SUSD5: variants seen among roughly 807,000 people sequenced by gnomAD.
The protein encoded by SUSD5 is sushi domain-containing protein 5.
A neutral mutation model predicts 29.5 loss-of-function variants in SUSD5; 33 were observed. That is an observed-to-expected ratio of 1.12 (90% CI 0.85 to 1.49). The LOEUF (loss-of-function observed/expected upper bound fraction) is 1.49, where lower values mean the gene tolerates loss of function less well. Among genes scored for constraint, SUSD5 ranks in the 40% most tolerant of loss-of-function variants. The probability of loss-of-function intolerance (pLI) is 0.00; values close to 1 mark genes in which losing one functional copy is unlikely to be tolerated. For synonymous variants in SUSD5, 308 were observed against 325.3 expected (o/e 0.95, Z 0.57); for missense variants, 776 against 800.6 (o/e 0.97, Z 0.37).
At chr3:33,174,320 A>G (rs1475684292) in intron 4 of SUSD5, among the ~76,000 whole-genome samples, 1 of 152,148 alleles carries the variant, frequency 6.6e-6, no homozygotes, top group Non-Finnish European at 1.5e-5. Flanking sequence ...CAGAACTCAT[A>G]TGTGTGGTGT....
Position 33,218,774 on chromosome 3 carries a change from C to T in SUSD5, c.24G>A (p.Pro8=). MTAEGPS[P]PARWHRRLPG... is the part of the protein sequence containing the mutation. ...GGAGGCGTCTGTGCCAACGGGCAGG[C>T]GGGCTGGGTCCCTCGGCAGTCATGG... Residue 8 remains proline (P), a synonymous_variant, in exon 1 of 5, where the codon CCG becomes CCA. Transcript: ENST00000309558. The T allele has an allele frequency of 7.0e-7, 1 of 1,436,076 alleles. No individual in the cohort carries two copies. Among genetic ancestry groups the T allele is most frequent in the Non-Finnish European group, 9.1e-7 (1 of 1,100,916 alleles). 89.0% of individuals were successfully genotyped at this position (1,436,076 alleles called of 1,614,324 possible).
chr3:33,209,648 TTTC>T (rs1203704164), intron 2 of SUSD5, among the ~76,000 whole-genome samples: 2 of 150,842 alleles, frequency 1.3e-5, no homozygotes, highest in Non-Finnish European at 2.9e-5. Context: ...CTCTCTCTTC[TTTC>T]TTTCTTTTCT....
intron 1 of SUSD5, among the ~76,000 whole-genome samples, chr3:33,215,484 A>G (rs1159274196): frequency 6.6e-6 from 1 of 152,252 alleles, no homozygotes; most frequent in Admixed American, 6.5e-5. Context: ...ACACTTATAT[A>G]GTGTTTACTA....
chr3:33,197,665 T>G (rs2032020592), intron 3 of SUSD5, among the ~76,000 whole-genome samples: 2 of 152,200 alleles, frequency 1.3e-5, no homozygotes, highest in South Asian at 4.1e-4. Flanking sequence ...ATTAAGCTAC[T>G]TTCGCTCACT....
chr3:33,211,897 T>C (rs530873185), intron 2 of SUSD5, among the ~76,000 whole-genome samples: 1 of 152,316 alleles, frequency 6.6e-6, no homozygotes, highest in African/African-American at 2.4e-5. Context: ...ATAATCTACT[T>C]TGAGTTGATT....
intron 2 of SUSD5, among the ~76,000 whole-genome samples, chr3:33,210,750 G>A (rs899147990): frequency 7.3e-5 from 11 of 151,302 alleles, no homozygotes; most frequent in Non-Finnish European, 7.4e-5. Flanking sequence ...TAAAATGAAA[G>A]GACATTGAAT....
chr3:33,152,727 C>A lies in SUSD5; in HGVS notation c.*15G>T. The A allele has an allele frequency of 1.3e-6, 2 of 1,579,004 alleles. No homozygotes were observed. Among genetic ancestry groups the A allele is most frequent in the South Asian group, 1.2e-5 (1 of 85,432 alleles). Reference sequence around the variant, plus strand: ...TCCTCCCAAGTGGCTTTGGGAGAACCCACTCCAAAGGTGCCTAGACCTTCT... The same window carrying A: ...TCCTCCCAAGTGGCTTTGGGAGAACACACTCCAAAGGTGCCTAGACCTTCT... On this transcript the variant is annotated 3_prime_UTR_variant, in exon 5 of 5. Transcript: ENST00000309558.
intron 4 of SUSD5, among the ~76,000 whole-genome samples, chr3:33,162,987 ACAACTTAC>A (rs2031224614): frequency 6.6e-6 from 1 of 152,124 alleles, no homozygotes; most frequent in Non-Finnish European, 1.5e-5. Flanking sequence ...CTAGAGAAAT[ACAACTTAC>A]CAAAAGTGAC....
rs904336738 is a variant in SUSD5 at position 33,167,898 on chromosome 3, G to A, written c.598+6988C>T. Among the ~76,000 whole-genome samples the A allele has an allele frequency of 6.6e-5, 10 of 152,096 alleles. No individual in the cohort carries two copies. The highest frequency in any genetic ancestry group is 2.2e-4 in the African/African-American group (9 of 41,410). The stretch of plus-strand genomic sequence containing the variant: ...CATCCTTCTAGCTCTGCCCTCACCC[G>A]ACCCTCTCTGTGAAAACCTGTGCTA... On this transcript the variant is annotated intron_variant, in intron 4 of 4. Coordinates refer to ENST00000309558, the MANE Select transcript of SUSD5 (RefSeq NM_015551.2). The surrounding 1 kb of genome is among the most constrained non-coding windows in gnomAD (Gnocchi z 4.1).
chr3:33,209,777 A>T (rs2032289355), intron 2 of SUSD5, among the ~76,000 whole-genome samples: 1 of 151,938 alleles, frequency 6.6e-6, no homozygotes, highest in African/African-American at 2.4e-5. Context: ...CCTCCCAAGT[A>T]GCTGGGACTA....
intron 3 of SUSD5, among the ~76,000 whole-genome samples, chr3:33,201,149 G>A (rs977627061): frequency 6.6e-6 from 1 of 152,178 alleles, no homozygotes; most frequent in Admixed American, 6.5e-5. Context: ...AGGCTGCTGT[G>A]GAATAGCATG....
intron 3 of SUSD5, among the ~76,000 whole-genome samples, chr3:33,194,483 C>G (rs1460699115): frequency 6.6e-6 from 1 of 152,092 alleles, no homozygotes; most frequent in East Asian, 1.9e-4. Context: ...CAAGAGTTCA[C>G]AAAGGACATC....
chr3:33,176,232 T>A (rs969655231), intron 3 of SUSD5, among the ~76,000 whole-genome samples: 1 of 152,224 alleles, frequency 6.6e-6, no homozygotes, highest in Non-Finnish European at 1.5e-5. Flanking sequence ...CACAGTTTAT[T>A]TATCTATTCA....
At chr3:33,170,069 C>T in intron 4 of SUSD5, among the ~76,000 whole-genome samples, 1 of 152,130 alleles carries the variant, frequency 6.6e-6, no homozygotes, top group Admixed American at 6.5e-5. Flanking sequence ...AGGCGCAATG[C>T]CACCACGCCC....
At chr3:33,212,070 C>T (rs1191738334) in intron 2 of SUSD5, among the ~76,000 whole-genome samples, 1 of 152,110 alleles carries the variant, frequency 6.6e-6, no homozygotes, top group African/African-American at 2.4e-5. Flanking sequence ...AATAACATAT[C>T]ATTTCAAATA....
chr3:33,178,296 T>C (rs1246962800), intron 3 of SUSD5, among the ~76,000 whole-genome samples: 1 of 152,224 alleles, frequency 6.6e-6, no homozygotes, highest in Non-Finnish European at 1.5e-5. Context: ...CATATTAATT[T>C]TGAAGACTAG....
chr3:33,174,072 G>T (rs911341216), intron 4 of SUSD5, among the ~76,000 whole-genome samples: 39 of 152,186 alleles, frequency 2.6e-4, no homozygotes, highest in African/African-American at 8.7e-4. Context: ...CAGGTTTGGG[G>T]AACTCAGTGT....
intron 4 of SUSD5, among the ~76,000 whole-genome samples, chr3:33,156,835 C>T (rs868121026): frequency 2.6e-5 from 4 of 152,190 alleles, no homozygotes; most frequent in Non-Finnish European, 5.9e-5. Flanking sequence ...TAAAAGTTAA[C>T]AATCTTTTCT....
chr3:33,177,505 T>C (rs1191224569), intron 3 of SUSD5, among the ~76,000 whole-genome samples: 1 of 152,052 alleles, frequency 6.6e-6, no homozygotes, highest in Non-Finnish European at 1.5e-5. Context: ...AACATGGTGT[T>C]TTTTGGCTTT....
Sources: gnomAD v4.1 joint callset for allele counts (sites outside exome capture counted in the v4.1 genomes callset) on GRCh38, gnomAD v4.1.1 for gene constraint, Gnocchi (gnomAD v3.1) non-coding constraint, MANE v1.5 for transcripts, NCBI Gene and HGNC (gene_info 2026-07-23, HGNC 2026-07-21) for gene names.